LRRC4C: variants seen among roughly 807,000 people sequenced by gnomAD.
LRRC4C encodes leucine-rich repeat-containing protein 4C.
LRRC4C carries 5 observed loss-of-function variants against 33.6 expected under a neutral mutation model. The ratio of observed to expected loss-of-function variants is 0.15; its 90% CI spans 0.08 to 0.31. The LOEUF (loss-of-function observed/expected upper bound fraction) is 0.31, where lower values mean the gene tolerates loss of function less well. LRRC4C is among the 10% of genes least tolerant of loss of function. The pLI is 1.00. For synonymous variants in LRRC4C, 329 were observed against 302.0 expected (o/e 1.09, Z -0.93); for missense variants, 560 against 796.7 (o/e 0.70, Z 3.58).
At chr11:40,780,312 T>C (rs1472992355) in intron 2 of LRRC4C, among the ~76,000 whole-genome samples, 3 of 152,326 alleles carry the variant, frequency 2.0e-5, no homozygotes, top group South Asian at 4.1e-4. Flanking sequence ...GCAGACTTCA[T>C]TGTGGACCTA....
chr11:40,494,079 C>A (rs1041849507), intron 3 of LRRC4C, among the ~76,000 whole-genome samples: 1 of 152,018 alleles, frequency 6.6e-6, no homozygotes, highest in African/African-American at 2.4e-5. Context: ...AAGGCCAAGG[C>A]TTCTGTCAAG....
intron 3 of LRRC4C, among the ~76,000 whole-genome samples, chr11:40,488,911 G>C (rs1327214301): frequency 6.6e-6 from 1 of 151,970 alleles, no homozygotes; most frequent in Non-Finnish European, 1.5e-5. Flanking sequence ...TGATATTGTG[G>C]TTTCTCCTTT....
chr11:41,397,092 T>C (rs998686066), intron 1 of LRRC4C, among the ~76,000 whole-genome samples: 1 of 152,026 alleles, frequency 6.6e-6, no homozygotes, highest in South Asian at 2.1e-4. Flanking sequence ...TGAGGTCAGA[T>C]GCAAACCCAC....
At chr11:41,215,210 A>T (rs1359848406) in intron 1 of LRRC4C, among the ~76,000 whole-genome samples, 1 of 151,780 alleles carries the variant, frequency 6.6e-6, no homozygotes. Flanking sequence ...AAAACTGGCC[A>T]GGAGTAGTGG....
chr11:41,137,253 A>T (rs1417744205), intron 1 of LRRC4C, among the ~76,000 whole-genome samples: 1 of 152,090 alleles, frequency 6.6e-6, no homozygotes, highest in African/African-American at 2.4e-5. Flanking sequence ...AAAAAAGAAA[A>T]AAAGAAAAAA....
At chr11:40,277,041 G>A (rs1458471340) in intron 4 of LRRC4C, among the ~76,000 whole-genome samples, 3 of 152,088 alleles carry the variant, frequency 2.0e-5, no homozygotes, top group Non-Finnish European at 2.9e-5. Context: ...GAGTTATGGG[G>A]GAAAAGGTCC....
chr11:41,362,542 AG>A (rs199606673), intron 1 of LRRC4C, among the ~76,000 whole-genome samples: 2,880 of 152,068 alleles, frequency 0.019, 83 homozygotes, highest in African/African-American at 0.065. Flanking sequence ...AGAATCACTA[AG>A]GGGGTCCAGG....
At chr11:40,947,323 T>A (rs1025979729) in intron 1 of LRRC4C, among the ~76,000 whole-genome samples, 2 of 152,128 alleles carry the variant, frequency 1.3e-5, no homozygotes, top group Non-Finnish European at 2.9e-5. Flanking sequence ...GGTAACACAT[T>A]TTAGGTTTTG....
chr11:40,791,658 T>C (rs1005765294), intron 2 of LRRC4C, among the ~76,000 whole-genome samples: 11 of 152,168 alleles, frequency 7.2e-5, no homozygotes, highest in Non-Finnish European at 1.6e-4. Flanking sequence ...CATGCCTGAA[T>C]TGTATGAAAT....
At chr11:40,741,930 C>T (rs1948175109) in intron 2 of LRRC4C, among the ~76,000 whole-genome samples, 1 of 151,998 alleles carries the variant, frequency 6.6e-6, no homozygotes, top group Non-Finnish European at 1.5e-5. Context: ...AAGCTCTTCT[C>T]ATCTAAGAGT....
chr11:41,145,856 C>T lies in LRRC4C; in HGVS notation c.-495-212133G>A, dbSNP rs149977922. The stretch of plus-strand genomic sequence containing the variant: ...ACACCTGCAGATTTAATAGTTTCCA[C>T]GGTGATTTTGTGAGTTTTCTTATCT... On this transcript the variant is annotated intron_variant, in intron 1 of 6. Transcript: ENST00000528697. 3.3e-3 allele frequency among the ~76,000 whole-genome samples: 508 copies of T among 152,234 alleles called. 4 individuals carry two copies. Among genetic ancestry groups the T allele is most frequent in the African/African-American group, 0.011 (469 of 41,538 alleles).
intron 3 of LRRC4C, among the ~76,000 whole-genome samples, chr11:40,380,747 T>C (rs1948832357): frequency 6.6e-6 from 1 of 152,194 alleles, no homozygotes; most frequent in Non-Finnish European, 1.5e-5. Context: ...ATTCACTTCA[T>C]GTAAAATTCT....
intron 2 of LRRC4C, among the ~76,000 whole-genome samples, chr11:40,801,584 A>T (rs1951044376): frequency 6.6e-6 from 1 of 152,162 alleles, no homozygotes; most frequent in Admixed American, 6.6e-5. Context: ...CTCAAACAAC[A>T]TTTGTTGTAT....
At chr11:40,852,214 C>T (rs901897844) in intron 2 of LRRC4C, among the ~76,000 whole-genome samples, 1 of 151,488 alleles carries the variant, frequency 6.6e-6, no homozygotes, top group Non-Finnish European at 1.5e-5. Flanking sequence ...AGTATTATGA[C>T]TGGGGATTAA....
At chr11:40,642,872 C>G (rs891060968) in intron 3 of LRRC4C, among the ~76,000 whole-genome samples, 2 of 152,032 alleles carry the variant, frequency 1.3e-5, no homozygotes, top group African/African-American at 4.8e-5. Flanking sequence ...ACATTTTAGA[C>G]ATCAAAAAAG....
At chr11:41,222,805 ACTCTGT>A (rs1430285753) in intron 1 of LRRC4C, 2 of 127,416 alleles carry the variant, frequency 1.6e-5, no homozygotes, top group Non-Finnish European at 3.1e-5. Flanking sequence ...ACCTGCTGCT[ACTCTGT>A]CTCTGTAGTT....
At chr11:40,533,398 G>A (rs1177408197) in intron 3 of LRRC4C, among the ~76,000 whole-genome samples, 1 of 151,970 alleles carries the variant, frequency 6.6e-6, no homozygotes, top group Non-Finnish European at 1.5e-5. Flanking sequence ...GGGTCTTTTG[G>A]CAGCAACGCC....
At chr11:41,403,060 A>G (rs531220079) in intron 1 of LRRC4C, among the ~76,000 whole-genome samples, 21 of 152,190 alleles carry the variant, frequency 1.4e-4, no homozygotes, top group Admixed American at 9.8e-4. Flanking sequence ...TGAAGTATAG[A>G]CAGCTTAGCT....
intron 1 of LRRC4C, among the ~76,000 whole-genome samples, chr11:41,388,952 G>A (rs531703041): frequency 2.0e-5 from 3 of 151,822 alleles, no homozygotes; most frequent in African/African-American, 7.2e-5. Flanking sequence ...CTAAATATAA[G>A]GTTTTGCTTC....
Sources: allele counts gnomAD v4.1 joint callset (sites outside exome capture counted in the v4.1 genomes callset), GRCh38; gene constraint gnomAD v4.1.1; transcripts MANE v1.5; gene names NCBI Gene and HGNC (gene_info 2026-07-23, HGNC 2026-07-21).